The following ZNF133 variants were observed in gnomAD, a reference collection of about 807,000 sequenced individuals.
ZNF133 encodes the protein zinc finger protein 133.
In ZNF133, 26 loss-of-function variants were observed where a neutral mutation model predicts 54.9. The observed-to-expected ratio is 0.47, with a 90% confidence interval of 0.35 to 0.66. The LOEUF is 0.66. Among genes scored for constraint, ZNF133 ranks in the 30% least tolerant of loss-of-function variants. ZNF133 has a pLI of 0.01. For missense variants in ZNF133, 653 were observed against 820.8 expected, an observed-to-expected ratio of 0.80 and a Z score of 2.50; for synonymous variants, 298 against 320.3, an observed-to-expected ratio of 0.93 and a Z score of 0.74.
At chr20:18,291,545 G>A (rs1251078228) in intron 1 of ZNF133, among the ~76,000 whole-genome samples, 19 of 151,986 alleles carry the variant, frequency 1.3e-4, no homozygotes, top group Admixed American at 1.2e-3. Context: ...AAAAGGCCCT[G>A]CTTCAGTTCT....
intron 3 of ZNF133, among the ~76,000 whole-genome samples, chr20:18,302,701 A>G (rs1269978158): frequency 6.6e-6 from 1 of 152,206 alleles, no homozygotes; most frequent in African/African-American, 2.4e-5. Context: ...GAAAATAAGC[A>G]AGAAAAAGAA....
At chr20:18,297,030 T>C (rs117240703) in intron 1 of ZNF133, among the ~76,000 whole-genome samples, 5,639 of 152,300 alleles carry the variant, frequency 0.037, 129 homozygotes, top group Non-Finnish European at 0.059. Flanking sequence ...TGAGTCAACT[T>C]TTCCCTCATA....
chr20:18,302,157 T>C (rs907070347), intron 3 of ZNF133, among the ~76,000 whole-genome samples: 1 of 152,092 alleles, frequency 6.6e-6, no homozygotes, highest in Non-Finnish European at 1.5e-5. Flanking sequence ...TCCCAGCACT[T>C]TGGGGGGCCG....
intron 1 of ZNF133, among the ~76,000 whole-genome samples, chr20:18,290,986 G>T (rs552765585): frequency 3.9e-4 from 60 of 152,290 alleles, no homozygotes; most frequent in African/African-American, 1.4e-3. Flanking sequence ...AATTAGCCAG[G>T]CGTGGTGGCA....
chr20:18,292,318 A>G (rs1207871843), intron 1 of ZNF133, among the ~76,000 whole-genome samples: 1 of 152,228 alleles, frequency 6.6e-6, no homozygotes, highest in Non-Finnish European at 1.5e-5. Flanking sequence ...CAAAACCAGT[A>G]TCCTACAAAG....
intron 6 of ZNF133, chr20:18,310,279 A>G (rs1272078234): frequency 6.5e-7 from 1 of 1,533,596 alleles, no homozygotes; most frequent in African/African-American, 1.4e-5. Context: ...CCCAAAATAT[A>G]TGTGTAACGG....
At chr20:18,295,692 C>T (rs2147010028) in intron 1 of ZNF133, among the ~76,000 whole-genome samples, 1 of 152,250 alleles carries the variant, frequency 6.6e-6, no homozygotes, top group African/African-American at 2.4e-5. Context: ...GGGTCTCACT[C>T]TCTCACCTAG....
Position 18,298,273 on chromosome 20 carries a change from G to C in ZNF133, c.-353-16G>C. On this transcript the variant is annotated splice_polypyrimidine_tract_variant and intron_variant, in intron 2 of 6. Transcript: ENST00000425686. ...AATTCTACAGTATGAGATAGAGTCTGCATTTCTTTGTTCAGCTTCAAAAGT... is the reference window on the plus strand; with the variant it reads ...AATTCTACAGTATGAGATAGAGTCTCCATTTCTTTGTTCAGCTTCAAAAGT... 7.3e-7 allele frequency: 1 copy of C among 1,374,612 alleles called. No individual in the cohort carries two copies. Among genetic ancestry groups the C allele is most frequent in the Non-Finnish European group, 9.4e-7 (1 of 1,066,272 alleles). The allele number at this position is 1,374,612 out of a possible 1,614,324, so 85.2% of individuals were successfully genotyped here.
At chr20:18,297,846 G>A (rs2042553032) in intron 1 of ZNF133, 139 bp from the exon 2 acceptor site, 2 of 574,906 alleles carry the variant, frequency 3.5e-6, no homozygotes, top group South Asian at 4.5e-5. Context: ...CTGTTTCCAA[G>A]CAGTATCTTT....
At chr20:18,312,575 G>T (rs984629871) in intron 6 of ZNF133, 1 of 151,888 alleles carries the variant, frequency 6.6e-6, no homozygotes, top group Non-Finnish European at 1.5e-5. Flanking sequence ...CTTTCTTATC[G>T]TGCAACCTAA....
Position 18,315,486 on chromosome 20 carries a change from G to T in ZNF133, c.635G>T (p.Gly212Val). The T allele has an allele frequency of 6.2e-7, 1 of 1,614,208 alleles. No individual in the cohort carries two copies. The highest frequency in any genetic ancestry group is 2.2e-5 in the East Asian group (1 of 44,884). ...LLKRIEVLGF[G>V]TVNCGECGLS... ...AAGAGGATAGAAGTCTTAGGATTTG[G>T]AACAGTCAACTGTGGAGAGTGTGGA... The change falls in exon 7 of 7, where the codon GGA becomes GTA. Residue 212 changes from glycine (G) to valine (V), a missense_variant. Physicochemically the swap from Gly to Val is moderately radical, Grantham distance 109. This residue lies in a region of ZNF133 where 292 missense variants were observed against 431.6 expected (regional missense o/e 0.68). Coordinates refer to ENST00000425686, the MANE Select transcript of ZNF133 (RefSeq NM_001352452.2).
chr20:18,315,671 G>A lies in ZNF133; in HGVS notation c.820G>A (p.Glu274Lys), dbSNP rs773071602. The A allele has an allele frequency of 1.2e-6, 2 of 1,614,092 alleles. No individual in the cohort carries two copies. The highest frequency in any genetic ancestry group is 2.2e-5 in the South Asian group (2 of 91,082). ...GGGGGAGAAGCCAATTGTGTGCAGG[G>A]AGTGTGGACGAGGCTTTAACCGGAA... ...HSGEKPIVCR[E>K]CGRGFNRKST... is the part of the protein sequence containing the mutation. The change falls in exon 7 of 7, where the codon GAG becomes AAG. Residue 274 changes from glutamate (E) to lysine (K), a missense_variant. Coordinates refer to ENST00000425686, the MANE Select transcript of ZNF133 (RefSeq NM_001352452.2).
At chr20:18,289,000 A>G (rs1468930828) in intron 1 of ZNF133, among the ~76,000 whole-genome samples, 2 of 151,938 alleles carry the variant, frequency 1.3e-5, no homozygotes, top group Non-Finnish European at 2.9e-5. Flanking sequence ...GGGGAATGGT[A>G]TTTCCCAGGT....
intron 1 of ZNF133, chr20:18,295,204 TTTC>T (rs1410987131): frequency 6.6e-5 from 10 of 152,294 alleles, no homozygotes; most frequent in African/African-American, 2.4e-4. Context: ...GCCTTTCTTA[TTTC>T]TTATTTTGAG....
chr20:18,306,118 A>C (rs1884411722), intron 5 of ZNF133, among the ~76,000 whole-genome samples, 180 bp from the exon 6 acceptor site: 1 of 152,154 alleles, frequency 6.6e-6, no homozygotes, highest in South Asian at 2.1e-4. Flanking sequence ...GAATAGAATC[A>C]GTGTACTCTC....
At chr20:18,291,709 A>ATTTTTT (rs35116436) in intron 1 of ZNF133, among the ~76,000 whole-genome samples, 13 of 138,890 alleles carry the variant, frequency 9.4e-5, no homozygotes, top group African/African-American at 3.5e-4. Flanking sequence ...TTCCAGTTGG[A>ATTTTTT]TTTTTTTTTT....
chr20:18,310,416 T>G (rs1285857865), intron 6 of ZNF133: 6 of 1,243,414 alleles, frequency 4.8e-6, no homozygotes, highest in Non-Finnish European at 6.3e-6. Flanking sequence ...GTATTTAATT[T>G]TCTCGGCTGT....
intron 6 of ZNF133, among the ~76,000 whole-genome samples, chr20:18,309,871 T>C (rs530499799): frequency 1.3e-5 from 2 of 152,230 alleles, no homozygotes; most frequent in South Asian, 2.1e-4. Context: ...ACAAAAATCT[T>C]CCTCTCAAGG....
chr20:18,294,143 A>C (rs964820263), intron 1 of ZNF133, among the ~76,000 whole-genome samples: 2 of 152,218 alleles, frequency 1.3e-5, no homozygotes, highest in East Asian at 1.9e-4. Flanking sequence ...CCAAGTGATC[A>C]AGATCAAGGT....
Sources: allele counts gnomAD v4.1 joint callset (sites outside exome capture counted in the v4.1 genomes callset), GRCh38; gene constraint gnomAD v4.1.1; regional missense constraint gnomAD v4.1.1; transcripts MANE v1.5; gene names NCBI Gene and HGNC (gene_info 2026-07-23, HGNC 2026-07-21).